ZC3H18: variants seen among roughly 807,000 people sequenced by gnomAD.
The protein encoded by ZC3H18 is zinc finger CCCH-type containing 18.
ZC3H18 carries 8 observed loss-of-function variants against 106.1 expected under a neutral mutation model. The observed-to-expected ratio is 0.08, with a 90% CI of 0.04 to 0.14. ZC3H18 has a LOEUF of 0.14. Ranked by LOEUF, ZC3H18 falls within the 10% of genes least tolerant of loss-of-function variation. ZC3H18 has a pLI of 1.00. For synonymous variants in ZC3H18, 635 were observed against 522.1 expected, an observed-to-expected ratio of 1.22 and a Z score of -2.95; for missense variants, 1,318 against 1,278.4, an observed-to-expected ratio of 1.03 and a Z score of -0.47.
rs1906185780 is a variant in ZC3H18 at position 88,624,657 on chromosome 16, A to T, written c.1954A>T (p.Thr652Ser). ...TCCAGCCCCACCACAGGCCACCAAA[A>T]CCACTGCTCCTGTCCCCGAGCCCAC... ...PPPAPPQATK[T>S]TAPVPEPTKP... is the part of the protein sequence containing the mutation. Residue 652 changes from threonine (T) to serine (S), a missense_variant, in exon 12 of 18, where the codon ACC (threonine) becomes TCC (serine). By Grantham distance (58) the Thr-to-Ser change is moderately conservative. Around this residue, in one of 6 missense-constraint regions of ZC3H18, gnomAD observed 848 missense variants for 821.7 expected, o/e 1.03. Transcript: ENST00000301011. 6.2e-7 allele frequency: 1 copy of T among 1,613,328 alleles called. No homozygotes were observed. Among genetic ancestry groups the T allele is most frequent in the South Asian group, 1.1e-5 (1 of 91,054 alleles).
Position 88,623,108 on chromosome 16 carries a change from TGTGTGTAGCTGTGCGTCTGTGG to T in ZC3H18, c.1668-96_1668-75del, listed in dbSNP as rs946815133. 29 of 1,455,416 alleles carry T rather than the reference TGTGTGTAGCTGTGCGTCTGTGG, an allele frequency of 2.0e-5. No homozygotes were observed. In the South Asian group the frequency reaches 2.2e-4, roughly 11 times the overall value. The allele number at this position is 1,455,416 out of a possible 1,614,324, so 90.2% of individuals were successfully genotyped here. ...GTGCGCGCGTGCGCAGCTGTGCGCT[TGTGTGTAGCTGTGCGTCTGTGG>T]GTGTGTAGCTGTGCATGTGTGCGTC... On this transcript the variant is annotated intron_variant, in intron 9 of 17. Transcript: ENST00000301011.
Position 88,622,275 on chromosome 16 carries a change from T to C in ZC3H18, c.1554T>C (p.Pro518=), listed in dbSNP as rs1354881052. The change falls in exon 9 of 18, where the codon CCT becomes CCC. Residue 518 remains proline, a synonymous_variant. Coordinates refer to ENST00000301011, the MANE Select transcript of ZC3H18 (RefSeq NM_144604.4). ...QVKRADEWKD[P]WRRSKSPKKK... ...AGAGAGCAGATGAGTGGAAGGACCCTTGGCGCCGATCCAAGTCTCCCAAGA... is the reference window on the plus strand; with the variant it reads ...AGAGAGCAGATGAGTGGAAGGACCCCTGGCGCCGATCCAAGTCTCCCAAGA... The C allele has an allele frequency of 6.2e-7, 1 of 1,614,174 alleles. No homozygotes were observed. The highest frequency in any genetic ancestry group is 1.1e-5 in the South Asian group (1 of 91,072).
intron 8 of ZC3H18, among the ~76,000 whole-genome samples, chr16:88,616,937 G>A (rs1157327062): frequency 6.6e-6 from 1 of 152,162 alleles, no homozygotes; most frequent in Admixed American, 6.5e-5. Context: ...GCTCGTTATA[G>A]CAGGCACTTC....
At chr16:88,612,370 T>C (rs1311597141) in intron 8 of ZC3H18, among the ~76,000 whole-genome samples, 1 of 152,060 alleles carries the variant, frequency 6.6e-6, no homozygotes, top group Non-Finnish European at 1.5e-5. Flanking sequence ...GAGAGCACTT[T>C]TGCCCCCTAA....
chr16:88,603,714 C>G (rs935217813), intron 6 of ZC3H18, among the ~76,000 whole-genome samples: 1 of 150,694 alleles, frequency 6.6e-6, no homozygotes, highest in African/African-American at 2.4e-5. Flanking sequence ...GCTCTGCCTC[C>G]TGGGTTCACG....
At chr16:88,581,464 C>G (rs1915124233) in intron 2 of ZC3H18, among the ~76,000 whole-genome samples, 2 of 152,182 alleles carry the variant, frequency 1.3e-5, no homozygotes, top group Non-Finnish European at 2.9e-5. Flanking sequence ...TGCCTAAGGC[C>G]TTGAATCTGT....
chr16:88,599,646 G>C, intron 5 of ZC3H18, 145 bp from the exon 6 acceptor site: 1 of 965,072 alleles, frequency 1.0e-6, no homozygotes, highest in East Asian at 2.4e-5. Context: ...TGCTGTGTCC[G>C]CCCCTCACCC....
At position 88,627,425 on chromosome 16, in the gene ZC3H18, A is replaced by G; in HGVS notation, c.2109-197A>G. 1 of 612,666 alleles carries G rather than the reference A, an allele frequency of 1.6e-6. No individual in the cohort carries two copies. The highest frequency in any genetic ancestry group is 2.6e-6 in the Non-Finnish European group (1 of 377,422). The allele number at this position is 612,666 out of a possible 1,614,324, so 38.0% of individuals were successfully genotyped here. On this transcript the variant is annotated intron_variant, in intron 13 of 17. Transcript: ENST00000301011. The surrounding 1 kb of genome is among the most constrained non-coding windows in gnomAD (Gnocchi z 4.5). Reference sequence around the variant, plus strand: ...GCTGCAACCTGACATTGATTAGTGAAATGGGGCCCTGGCCTAGCCATGGGG... The same window carrying G: ...GCTGCAACCTGACATTGATTAGTGAGATGGGGCCCTGGCCTAGCCATGGGG...
At chr16:88,610,112 C>T (rs983306874) in intron 7 of ZC3H18, among the ~76,000 whole-genome samples, 8 of 152,180 alleles carry the variant, frequency 5.3e-5, no homozygotes, top group Non-Finnish European at 1.2e-4. Flanking sequence ...CTGGTCTATA[C>T]TGAGATTTCC....
At chr16:88,622,164 G>T (rs1329175538) in intron 8 of ZC3H18, 33 bp from the exon 9 acceptor site, 1 of 1,589,138 alleles carries the variant, frequency 6.3e-7, no homozygotes, top group Non-Finnish European at 8.6e-7. Flanking sequence ...GCGGAAGGTG[G>T]CCTGAGAGTT....
At chr16:88,579,523 T>C (rs72809423) in intron 2 of ZC3H18, among the ~76,000 whole-genome samples, 6,764 of 152,160 alleles carry the variant, frequency 0.044, 215 homozygotes, top group Non-Finnish European at 0.063. Context: ...ATACTGTGAG[T>C]TCTCAGTGCC....
At chr16:88,594,766 A>G (rs1237526475) in intron 3 of ZC3H18, among the ~76,000 whole-genome samples, 1 of 152,194 alleles carries the variant, frequency 6.6e-6, no homozygotes, top group East Asian at 1.9e-4. Flanking sequence ...GTGGGTGGGT[A>G]TTTTTTATTT....
At chr16:88,589,164 A>T (rs892230317) in intron 3 of ZC3H18, among the ~76,000 whole-genome samples, 1 of 152,218 alleles carries the variant, frequency 6.6e-6, no homozygotes, top group Non-Finnish European at 1.5e-5. Context: ...TAAAAACAAA[A>T]TGAAGTTTGT....
intron 11 of ZC3H18, chr16:88,624,304 G>T: frequency 1.5e-6 from 1 of 659,500 alleles, no homozygotes; most frequent in African/African-American, 1.8e-5. Context: ...CTGGGGACAC[G>T]GCAGCAGCCG....
rs547375571 is a variant in ZC3H18 at position 88,624,656 on chromosome 16, A to G, written c.1953A>G (p.Lys651=). Residue 651 remains lysine (K), a synonymous_variant, in exon 12 of 18, where the codon AAA becomes AAG. Transcript: ENST00000301011. ...APPPAPPQAT[K]TTAPVPEPTK... Reference sequence around the variant, plus strand: ...CTCCAGCCCCACCACAGGCCACCAAAACCACTGCTCCTGTCCCCGAGCCCA... The same window carrying G: ...CTCCAGCCCCACCACAGGCCACCAAGACCACTGCTCCTGTCCCCGAGCCCA... 23 of 1,613,858 alleles carry G rather than the reference A, an allele frequency of 1.4e-5. No individual in the cohort carries two copies. The East Asian group carries it at 4.9e-4, about 34-fold the overall frequency.
At chr16:88,623,567 G>A (rs910213041) in intron 10 of ZC3H18, 16 of 634,764 alleles carry the variant, frequency 2.5e-5, no homozygotes, top group Non-Finnish European at 4.2e-5. Flanking sequence ...GAGGGCCACA[G>A]CCTGAGATCC....
chr16:88,576,954 G>A (rs1914789209), intron 1 of ZC3H18, among the ~76,000 whole-genome samples, 156 bp from the exon 2 acceptor site: 1 of 152,192 alleles, frequency 6.6e-6, no homozygotes, highest in Non-Finnish European at 1.5e-5. Flanking sequence ...TGGAGTTATG[G>A]CCTGTCTTTC....
intron 2 of ZC3H18, among the ~76,000 whole-genome samples, chr16:88,578,985 G>GC (rs1166751883): frequency 6.6e-6 from 1 of 152,208 alleles, no homozygotes; most frequent in Non-Finnish European, 1.5e-5. Context: ...ACCACGCCCG[G>GC]CGGGTGCCAT....
intron 6 of ZC3H18, among the ~76,000 whole-genome samples, chr16:88,605,085 A>G (rs1044749476): frequency 1.3e-5 from 2 of 152,256 alleles, no homozygotes; most frequent in African/African-American, 4.8e-5. Flanking sequence ...TAACAGGTCT[A>G]CCAGATGCTG....
Sources: allele counts gnomAD v4.1 joint callset (sites outside exome capture counted in the v4.1 genomes callset), GRCh38; gene constraint gnomAD v4.1.1; regional missense constraint gnomAD v4.1.1; non-coding constraint Gnocchi (gnomAD v3.1); transcripts MANE v1.5; gene names NCBI Gene and HGNC (gene_info 2026-07-23, HGNC 2026-07-21).